The following CCDC69 variants were observed in gnomAD, a reference collection of about 807,000 sequenced individuals.
CCDC69 encodes the protein coiled-coil domain-containing protein 69.
A neutral mutation model predicts 40.3 loss-of-function variants in CCDC69; 38 were observed. The observed-to-expected ratio is 0.94, with a 90% CI of 0.73 to 1.24. The LOEUF is 1.24. CCDC69 is among the 50% of genes most tolerant of loss of function. The pLI, the probability that CCDC69 is intolerant of heterozygous loss-of-function variation, is 0.00. For synonymous variants in CCDC69, 141 were observed against 138.9 expected (o/e 1.02, Z -0.11); for missense variants, 389 against 357.9 (o/e 1.09, Z -0.70).
Position 151,224,032 on chromosome 5 carries a change from T to TCGGGGCCCCCAGAGGAGCCTGCGAC in CCDC69, c.-63_-62insGTCGCAGGCTCCTCTGGGGGCCCCG, listed in dbSNP as rs1259103483. ...CCGGGGCCCCCAGAGGAGCCTGCGATCCGGGCCCCGCTGCCCGCTCCGCGC... is the reference window on the plus strand; with the variant it reads ...CCGGGGCCCCCAGAGGAGCCTGCGATCGGGGCCCCCAGAGGAGCCTGCGACCCGGGCCCCGCTGCCCGCTCCGCGC... On this transcript the variant is annotated 5_prime_UTR_variant, in exon 1 of 9. Coordinates refer to ENST00000355417, the MANE Select transcript of CCDC69 (RefSeq NM_015621.3). The TCGGGGCCCCCAGAGGAGCCTGCGAC allele has an allele frequency of 7.0e-7, 1 of 1,437,024 alleles. No homozygotes were observed. The highest frequency in any genetic ancestry group is 9.3e-7 in the Non-Finnish European group (1 of 1,074,920). The allele number at this position is 1,437,024 out of a possible 1,614,324, so 89.0% of individuals were successfully genotyped here. A position where few individuals can be genotyped will look rare whatever the true frequency, so the allele number is the denominator to read the frequency against.
chr5:151,181,208 T>G lies in CCDC69; in HGVS notation c.*2229A>C, dbSNP rs754112839. Reference sequence around the variant, plus strand: ...GCCCTGCCCCTCTCAATTAAAACAATGCTTTCTTTTTTCTTTTCTTTTTTT... The same window carrying G: ...GCCCTGCCCCTCTCAATTAAAACAAGGCTTTCTTTTTTCTTTTCTTTTTTT... On this transcript the variant is annotated 3_prime_UTR_variant, in exon 9 of 9. Coordinates refer to ENST00000355417, the MANE Select transcript of CCDC69 (RefSeq NM_015621.3). The G allele has an allele frequency of 6.6e-6, 1 of 152,176 alleles. No homozygotes were observed. The highest frequency in any genetic ancestry group is 1.5e-5 in the Non-Finnish European group (1 of 68,082). The allele number at this position is 152,176 out of a possible 1,614,324, so 9.4% of individuals were successfully genotyped here. A position where few individuals can be genotyped will look rare whatever the true frequency, so the allele number is the denominator to read the frequency against.
At chr5:151,211,345 G>A (rs1019337772) in intron 1 of CCDC69, among the ~76,000 whole-genome samples, 1 of 152,158 alleles carries the variant, frequency 6.6e-6, no homozygotes, top group Admixed American at 6.5e-5. Flanking sequence ...TGAAGGACAG[G>A]ATTTTGAAAT....
Position 151,214,938 on chromosome 5 carries a change from C to T in CCDC69, c.48+8985G>A, listed in dbSNP as rs375249701. On this transcript the variant is annotated intron_variant, in intron 1 of 8. Coordinates refer to ENST00000355417, the MANE Select transcript of CCDC69 (RefSeq NM_015621.3). ...GCCTAGAGAAAGCCTTTCTAATACA[C>T]CTTATTTATTTTCTTCCTCCCTAGG... Among the ~76,000 whole-genome samples the T allele has an allele frequency of 2.0e-5, 3 of 152,214 alleles. No homozygotes were observed. In the South Asian group the frequency reaches 6.2e-4, roughly 31 times the overall value.
chr5:151,194,435 C>A (rs1358743359), intron 4 of CCDC69, among the ~76,000 whole-genome samples: 1 of 152,196 alleles, frequency 6.6e-6, no homozygotes, highest in Non-Finnish European at 1.5e-5. Flanking sequence ...TGTATTATTT[C>A]ATTTATGTAA....
rs1766627748 is a variant in CCDC69 at position 151,181,435 on chromosome 5, G to T, written c.*2002C>A. ...GGGTTTCACTGTGTTAGCCAGGATG[G>T]TCTCAATCTCCCAACCTTGTGATCC... On this transcript the variant is annotated 3_prime_UTR_variant, in exon 9 of 9. Coordinates refer to ENST00000355417, the MANE Select transcript of CCDC69 (RefSeq NM_015621.3). 1 of 152,246 alleles carries T rather than the reference G, an allele frequency of 6.6e-6. No homozygotes were observed. The highest frequency in any genetic ancestry group is 1.5e-5 in the Non-Finnish European group (1 of 68,128). 9.4% of individuals were successfully genotyped at this position (152,246 alleles called of 1,614,324 possible).
At chr5:151,205,529 G>C (rs927545790) in intron 1 of CCDC69, 54 bp from the exon 2 acceptor site, 1 of 1,447,832 alleles carries the variant, frequency 6.9e-7, no homozygotes, top group Admixed American at 1.7e-5. Flanking sequence ...AGGTCAATGC[G>C]AGGACGGGCT....
intron 1 of CCDC69, among the ~76,000 whole-genome samples, chr5:151,219,085 A>C (rs149569187): frequency 4.3e-4 from 65 of 152,312 alleles, no homozygotes; most frequent in African/African-American, 1.5e-3. Context: ...AGGTTGGGCA[A>C]AATCATCAGC....
chr5:151,183,786 G>C (rs571816115), intron 8 of CCDC69, among the ~76,000 whole-genome samples, 172 bp from the exon 9 acceptor site: 1 of 152,186 alleles, frequency 6.6e-6, no homozygotes, highest in East Asian at 1.9e-4. Context: ...ACCAAGGAGC[G>C]GGGGCCTCAC....
At position 151,201,589 on chromosome 5, in the gene CCDC69, G is replaced by A. The variant is rs768472982; in HGVS notation, c.224C>T (p.Ala75Val). 33 of 1,610,686 alleles carry A rather than the reference G, an allele frequency of 2.0e-5. 1 individual carries two copies. The highest frequency in any genetic ancestry group is 1.7e-4 in the Middle Eastern group (1 of 6,034). The change falls in exon 3 of 9, where the codon GCA (alanine) becomes GTA (valine). Residue 75 changes from alanine (A) to valine (V), a missense_variant. Ala to Val is a moderately conservative substitution (Grantham distance 64). Transcript: ENST00000355417. ...GGGGGCACCTGGACTTACCTGTTGT[G>A]CCCATTTCTTCTTTTCCTCCTCATG... ...QQHEEEKKKW[A>V]QQVEKERELE...
chr5:151,202,102 T>C (rs994313179), intron 2 of CCDC69, among the ~76,000 whole-genome samples: 1 of 150,974 alleles, frequency 6.6e-6, no homozygotes, highest in African/African-American at 2.4e-5. Context: ...ACACCTGTAG[T>C]CCCAGCACTT....
Position 151,183,272 on chromosome 5 carries a change from TA to T in CCDC69, c.*164del. ...CCAAAACCCTGTGGGTGATTCCATG[TA>T]ACTCAAGGCCCCAGGGCTCACTGGG... On this transcript the variant is annotated 3_prime_UTR_variant, in exon 9 of 9. Transcript: ENST00000355417. 1.2e-6 allele frequency: 1 copy of T among 812,944 alleles called. No individual in the cohort carries two copies. The highest frequency in any genetic ancestry group is 2.1e-6 in the Non-Finnish European group (1 of 476,256). The allele number at this position is 812,944 out of a possible 1,614,324, so 50.4% of individuals were successfully genotyped here.
chr5:151,223,341 C>G (rs556328671), intron 1 of CCDC69, among the ~76,000 whole-genome samples: 91 of 152,376 alleles, frequency 6.0e-4, no homozygotes, highest in Non-Finnish European at 8.4e-4. Context: ...CCCACACTCA[C>G]CAGCTCTGGG....
chr5:151,187,519 C>T, intron 4 of CCDC69, 60 bp from the exon 5 acceptor site: 1 of 1,422,450 alleles, frequency 7.0e-7, no homozygotes, highest in Non-Finnish European at 9.9e-7. Flanking sequence ...CTTCTGCAGG[C>T]CCCTTGGTGG....
intron 1 of CCDC69, among the ~76,000 whole-genome samples, chr5:151,219,986 T>G (rs1259480995): frequency 6.6e-6 from 1 of 152,030 alleles, no homozygotes; most frequent in Non-Finnish European, 1.5e-5. Context: ...CCTCCCCTAC[T>G]GGCCACTGTG....
rs561228158 is a variant in CCDC69 at position 151,185,481 on chromosome 5, C to T, written c.556G>A (p.Glu186Lys). The T allele has an allele frequency of 2.5e-6, 4 of 1,614,010 alleles. No individual in the cohort carries two copies. In the East Asian group the frequency reaches 6.7e-5, roughly 27 times the overall value. ...QELESLHFVI[E>K]MKNERIHELD... The stretch of plus-strand genomic sequence containing the variant: ...TCATGAATACGCTCATTCTTCATCT[C>T]GATGACAAAGTGTAAGCTCTCCAGC... Residue 186 changes from glutamate to lysine, a missense_variant, in exon 7 of 9, where the codon GAG becomes AAG. Coordinates refer to ENST00000355417, the MANE Select transcript of CCDC69 (RefSeq NM_015621.3).
chr5:151,198,897 A>G (rs2113992307), intron 4 of CCDC69, 100 bp downstream of exon 4: 1 of 856,442 alleles, frequency 1.2e-6, no homozygotes, highest in Non-Finnish European at 2.0e-6. Flanking sequence ...GATCAGACAG[A>G]CAGGGAGGGA....
At chr5:151,186,741 T>A (rs1167785918) in intron 5 of CCDC69, among the ~76,000 whole-genome samples, 2 of 152,108 alleles carry the variant, frequency 1.3e-5, no homozygotes, top group African/African-American at 4.8e-5. Flanking sequence ...AAGAACTTTC[T>A]CTACTTGAAC....
rs765314266 is a variant in CCDC69 at position 151,205,487 on chromosome 5, G to A, written c.49-12C>T. On this transcript the variant is annotated splice_polypyrimidine_tract_variant and intron_variant, in intron 1 of 8. Coordinates refer to ENST00000355417, the MANE Select transcript of CCDC69 (RefSeq NM_015621.3). Reference sequence around the variant, plus strand: ...GGTTCTTGGCGCTTCTGGAAGAAATGAGACAACAGCAAGGCGTGGGTAGAG... The same window carrying A: ...GGTTCTTGGCGCTTCTGGAAGAAATAAGACAACAGCAAGGCGTGGGTAGAG... 20 of 1,613,614 alleles carry A rather than the reference G, an allele frequency of 1.2e-5. No homozygotes were observed. Among genetic ancestry groups the A allele is most frequent in the Non-Finnish European group, 1.5e-5 (18 of 1,179,520 alleles).
chr5:151,181,888 C>G lies in CCDC69; in HGVS notation c.*1549G>C, dbSNP rs1400136301. On this transcript the variant is annotated 3_prime_UTR_variant, in exon 9 of 9. Coordinates refer to ENST00000355417, the MANE Select transcript of CCDC69 (RefSeq NM_015621.3). ...GACCATGGCTGGAGAATCAGCACAGCACTCCCCTAGCCTCACCTCTTCCCC... is the reference window on the plus strand; with the variant it reads ...GACCATGGCTGGAGAATCAGCACAGGACTCCCCTAGCCTCACCTCTTCCCC... 6.6e-6 allele frequency: 1 copy of G among 152,280 alleles called. No homozygotes were observed. The highest frequency in any genetic ancestry group is 1.5e-5 in the Non-Finnish European group (1 of 68,096). The allele number at this position is 152,280 out of a possible 1,614,324, so 9.4% of individuals were successfully genotyped here. A position where few individuals can be genotyped will look rare whatever the true frequency, so the allele number is the denominator to read the frequency against.
Sources: allele counts gnomAD v4.1 joint callset (sites outside exome capture counted in the v4.1 genomes callset), GRCh38; gene constraint gnomAD v4.1.1; transcripts MANE v1.5; gene names NCBI Gene and HGNC (gene_info 2026-07-23, HGNC 2026-07-21).